GPR39: variants seen among roughly 807,000 people sequenced by gnomAD.
GPR39 encodes the protein zinc sensing receptor.
Under a neutral mutation model 18.4 loss-of-function variants are expected in GPR39, and 23 were observed. The observed-to-expected ratio is 1.25, with a 90% CI of 0.90 to 1.77. The LOEUF is 1.77. Ranked by LOEUF, GPR39 falls within the 40% of genes most tolerant of loss-of-function variation. The probability of loss-of-function intolerance (pLI) is 0.00; values close to 1 mark genes in which losing one functional copy is unlikely to be tolerated. For synonymous variants in GPR39, 280 were observed against 257.9 expected (o/e 1.09, Z -0.82); for missense variants, 647 against 602.4 (o/e 1.07, Z -0.78).
chr2:132,595,720 C>T (rs983631145), intron 1 of GPR39, among the ~76,000 whole-genome samples: 4 of 152,070 alleles, frequency 2.6e-5, no homozygotes, highest in African/African-American at 4.8e-5. Context: ...TCATAATGTG[C>T]CATTTTTTGT....
chr2:132,593,182 G>A (rs1330156198), intron 1 of GPR39, among the ~76,000 whole-genome samples: 2 of 152,144 alleles, frequency 1.3e-5, no homozygotes, highest in East Asian at 1.9e-4. Flanking sequence ...TCCAAGGGTC[G>A]TGGCAACTGG....
chr2:132,646,551 ATAGACTTATTTACATTTTAAGT>A lies in GPR39; in HGVS notation c.*946_*967del. On this transcript the variant is annotated 3_prime_UTR_variant, in exon 2 of 2. Transcript: ENST00000329321. The stretch of plus-strand genomic sequence containing the variant: ...ATACCTGTTAATAAAGAGCTGTTAA[ATAGACTTATTTACATTTTAAGT>A]CAGAGTTCACACTGTGTACAAGACA... The A allele has an allele frequency of 2.9e-6, 1 of 345,894 alleles. No individual in the cohort carries two copies. The allele number at this position is 345,894 out of a possible 1,614,324, so 21.4% of individuals were successfully genotyped here.
At chr2:132,592,350 C>A (rs2104833269) in intron 1 of GPR39, among the ~76,000 whole-genome samples, 1 of 152,184 alleles carries the variant, frequency 6.6e-6, no homozygotes, top group Non-Finnish European at 1.5e-5. Context: ...AAGAGAATTC[C>A]AGGTAGAAGG....
chr2:132,492,336 TACCATATATATACATACCATATATATAC>T (rs1573628752), intron 1 of GPR39, among the ~76,000 whole-genome samples: 23 of 132,864 alleles, frequency 1.7e-4, no homozygotes, highest in Admixed American at 2.9e-4. Context: ...ACCATATATA[TACCATATATATACATACCATATATATAC>T]ACCATATATA....
At chr2:132,569,518 G>A (rs902412377) in intron 1 of GPR39, among the ~76,000 whole-genome samples, 7 of 152,086 alleles carry the variant, frequency 4.6e-5, no homozygotes, top group East Asian at 1.9e-4. Flanking sequence ...GCTGTGGTGG[G>A]GAGGGGGGCT....
At chr2:132,490,038 T>A (rs1328799214) in intron 1 of GPR39, among the ~76,000 whole-genome samples, 1 of 151,824 alleles carries the variant, frequency 6.6e-6, no homozygotes, top group Admixed American at 6.6e-5. Flanking sequence ...TGCTTGCTCC[T>A]GTGCTCACCT....
At chr2:132,446,421 GC>G (rs2104768099) in intron 1 of GPR39, among the ~76,000 whole-genome samples, 1 of 152,370 alleles carries the variant, frequency 6.6e-6, no homozygotes, top group Non-Finnish European at 1.5e-5. Context: ...AGGGCCAAGT[GC>G]CTTGGAAGCA....
At chr2:132,592,962 AG>A (rs1344770698) in intron 1 of GPR39, among the ~76,000 whole-genome samples, 1 of 152,236 alleles carries the variant, frequency 6.6e-6, no homozygotes, top group Non-Finnish European at 1.5e-5. Flanking sequence ...CTACACATTT[AG>A]GTTTGATGAC....
At chr2:132,538,236 TTTGTTG>T (rs917474278) in intron 1 of GPR39, among the ~76,000 whole-genome samples, 1 of 152,024 alleles carries the variant, frequency 6.6e-6, no homozygotes, top group South Asian at 2.1e-4. Flanking sequence ...TTTTTGTATT[TTTGTTG>T]TTGTTGTTGT....
At chr2:132,531,743 A>G (rs561554647) in intron 1 of GPR39, among the ~76,000 whole-genome samples, 24 of 152,362 alleles carry the variant, frequency 1.6e-4, no homozygotes, top group South Asian at 6.2e-4. Context: ...CTGCTCCTGA[A>G]TGACTACTGG....
At chr2:132,622,534 A>G (rs1310221242) in intron 1 of GPR39, among the ~76,000 whole-genome samples, 2 of 152,256 alleles carry the variant, frequency 1.3e-5, no homozygotes, top group Non-Finnish European at 2.9e-5. Flanking sequence ...TTGGCTTTAT[A>G]TATTTCATGG....
intron 1 of GPR39, among the ~76,000 whole-genome samples, chr2:132,436,841 C>T (rs1339860346): frequency 6.6e-6 from 1 of 152,126 alleles, no homozygotes; most frequent in African/African-American, 2.4e-5. Flanking sequence ...CTCCTCATCC[C>T]GCAGCGTGGT....
intron 1 of GPR39, among the ~76,000 whole-genome samples, chr2:132,440,110 A>T (rs1680407112): frequency 6.6e-6 from 1 of 152,160 alleles, no homozygotes; most frequent in Non-Finnish European, 1.5e-5. Flanking sequence ...GCTCAGCCCT[A>T]GTCCTAGAGA....
chr2:132,576,872 A>G (rs886399085), intron 1 of GPR39, among the ~76,000 whole-genome samples: 2 of 152,140 alleles, frequency 1.3e-5, no homozygotes, highest in Non-Finnish European at 2.9e-5. Flanking sequence ...TGAAAAGGCT[A>G]TCTTTTCTCC....
intron 1 of GPR39, among the ~76,000 whole-genome samples, chr2:132,630,416 A>AAG (rs1681628149): frequency 6.6e-6 from 1 of 152,174 alleles, no homozygotes; most frequent in Non-Finnish European, 1.5e-5. Flanking sequence ...ATCAGGAACC[A>AAG]AGAGAGGGTT....
chr2:132,474,027 A>T (rs1681080667), intron 1 of GPR39, among the ~76,000 whole-genome samples: 1 of 152,200 alleles, frequency 6.6e-6, no homozygotes. Context: ...GGACAGGCAC[A>T]TGTGACTCAG....
At chr2:132,563,783 T>C (rs1680297754) in intron 1 of GPR39, among the ~76,000 whole-genome samples, 1 of 152,202 alleles carries the variant, frequency 6.6e-6, no homozygotes, top group African/African-American at 2.4e-5. Flanking sequence ...GGCACTGGTA[T>C]TTCTGAAAGC....
intron 1 of GPR39, among the ~76,000 whole-genome samples, chr2:132,455,564 T>G (rs919860840): frequency 2.0e-5 from 3 of 152,234 alleles, no homozygotes; most frequent in African/African-American, 7.2e-5. Context: ...TTCTTTTAAT[T>G]GTGATGTTAG....
At chr2:132,505,321 T>A (rs1257469147) in intron 1 of GPR39, among the ~76,000 whole-genome samples, 3 of 152,224 alleles carry the variant, frequency 2.0e-5, no homozygotes, top group Admixed American at 1.3e-4. Context: ...TTTTGTTGCA[T>A]GCATAGAATG....
Sources: allele counts gnomAD v4.1 joint callset (sites outside exome capture counted in the v4.1 genomes callset), GRCh38; gene constraint gnomAD v4.1.1; transcripts MANE v1.5; gene names NCBI Gene and HGNC (gene_info 2026-07-23, HGNC 2026-07-21).